The following UPP1 variants were observed in gnomAD, a reference collection of about 807,000 sequenced individuals.
UPP1 encodes the protein uridine phosphorylase 1, also known as UPase 1.
A neutral mutation model predicts 29.6 loss-of-function variants in UPP1; 25 were observed. The ratio of observed to expected loss-of-function variants is 0.85; its 90% CI spans 0.62 to 1.18. The LOEUF (loss-of-function observed/expected upper bound fraction) is 1.18, where lower values mean the gene tolerates loss of function less well. Ranked by LOEUF, UPP1 falls within the 50% of genes most tolerant of loss-of-function variation. UPP1 has a pLI of 0.00. For missense variants in UPP1, 368 were observed against 410.4 expected, an observed-to-expected ratio of 0.90 and a Z score of 0.89; for synonymous variants, 165 against 159.8, an observed-to-expected ratio of 1.03 and a Z score of -0.25.
rs768684208 is a variant in UPP1, at chr7:48,103,336, G to GA, written c.362dup (p.Leu122AlafsTer47). On this transcript the variant is annotated frameshift_variant, in exon 6 of 9. Transcript: ENST00000395564. LOFTEE classifies it high-confidence loss of function. Reference sequence around the variant, plus strand: ...TCCTTCTATCTCAATCATGTTGCATGAGCTCATAAAGCTGCTGTACTATGC... The same window carrying GA: ...TCCTTCTATCTCAATCATGTTGCATGAAGCTCATAAAGCTGCTGTACTATGC... 5 of 1,613,998 alleles carry GA rather than the reference G, an allele frequency of 3.1e-6. No homozygotes were observed. The South Asian group carries it at 5.5e-5, about 18-fold the overall frequency.
rs1792895345 is a variant in UPP1 at position 48,108,461 on chromosome 7, C to G, written c.*104C>G. The G allele has an allele frequency of 1.5e-6, 2 of 1,350,990 alleles. No homozygotes were observed. The highest frequency in any genetic ancestry group is 1.6e-5 in the South Asian group (1 of 60,696). 83.7% of individuals were successfully genotyped at this position (1,350,990 alleles called of 1,614,324 possible). A position where few individuals can be genotyped will look rare whatever the true frequency, so the allele number is the denominator to read the frequency against. On this transcript the variant is annotated 3_prime_UTR_variant, in exon 9 of 9. Coordinates refer to ENST00000395564, the MANE Select transcript of UPP1 (RefSeq NM_003364.4). ...CTTTGAGCACACTTTACACAAGAAT[C>G]TAGAAAATCAGATCGCGATTAAGAG...
At chr7:48,102,055 C>G (rs895688391) in intron 5 of UPP1, 73 bp downstream of exon 5, 75 of 1,516,576 alleles carry the variant, frequency 4.9e-5, no homozygotes, top group Non-Finnish European at 2.1e-5. Context: ...TCTGCACACA[C>G]AGACAGCTGG....
chr7:48,093,771 G>A (rs1267247296), intron 2 of UPP1, among the ~76,000 whole-genome samples: 3 of 152,102 alleles, frequency 2.0e-5, no homozygotes, highest in Non-Finnish European at 4.4e-5. Flanking sequence ...CTCCTATGGT[G>A]GTCCCCTGTC....
Position 48,108,248 on chromosome 7 carries a change from G to T in UPP1, c.824G>T (p.Arg275Leu), listed in dbSNP as rs773220996. 1 of 1,613,726 alleles carries T rather than the reference G, an allele frequency of 6.2e-7. No individual in the cohort carries two copies. Among genetic ancestry groups the T allele is most frequent in the African/African-American group, 1.3e-5 (1 of 75,020 alleles). The change falls in exon 9 of 9, where the codon CGC becomes CTC. Residue 275 changes from arginine (R) to leucine (L), a missense_variant. Physicochemically the swap from Arg to Leu is moderately radical, Grantham distance 102 (BLOSUM62 -2). Transcript: ENST00000395564. ...GTGGTGTGTGTCACCCTCCTGAACC[G>T]CCTGGAAGGGGACCAGATCAGCAGC... Reference protein sequence around the residue: ...AAVVCVTLLNRLEGDQISSPR... With the variant: ...AAVVCVTLLNLLEGDQISSPR...
chr7:48,096,533 C>T (rs1418873436), intron 3 of UPP1, among the ~76,000 whole-genome samples: 2 of 152,242 alleles, frequency 1.3e-5, no homozygotes, highest in East Asian at 3.9e-4. Flanking sequence ...CTTCCCCTTC[C>T]CCAGTACCTC....
At chr7:48,107,146 G>C in intron 7 of UPP1, 64 bp downstream of exon 7, 1 of 1,575,228 alleles carries the variant, frequency 6.3e-7, no homozygotes, top group Non-Finnish European at 8.7e-7. Context: ...CCCTGAGCCT[G>C]CCTTCTCGCT....
intron 4 of UPP1, among the ~76,000 whole-genome samples, chr7:48,101,546 C>T (rs1199281884): frequency 6.6e-6 from 1 of 152,088 alleles, no homozygotes; most frequent in Non-Finnish European, 1.5e-5. Flanking sequence ...GTGCACAGGA[C>T]CTGGAATTAC....
chr7:48,102,000 C>A lies in UPP1; in HGVS notation c.321+18C>A. On this transcript the variant is annotated intron_variant, in intron 5 of 8. Coordinates refer to ENST00000395564, the MANE Select transcript of UPP1 (RefSeq NM_003364.4). ...CTGTCAGTGTGAGTACCTGCCTTCCCTTGTGCTCAGTCTCTAGGCTCTGCA... is the reference window on the plus strand; with the variant it reads ...CTGTCAGTGTGAGTACCTGCCTTCCATTGTGCTCAGTCTCTAGGCTCTGCA... 6.2e-7 allele frequency: 1 copy of A among 1,610,136 alleles called. No individual in the cohort carries two copies. Among genetic ancestry groups the A allele is most frequent in the Middle Eastern group, 1.7e-4 (1 of 6,040 alleles).
chr7:48,098,785 C>T (rs1464132255), intron 3 of UPP1, among the ~76,000 whole-genome samples: 4 of 152,192 alleles, frequency 2.6e-5, no homozygotes, highest in Non-Finnish European at 5.9e-5. Context: ...CCTCTGTTTC[C>T]TGTAAGGGAG....
chr7:48,094,627 C>A, intron 2 of UPP1, 136 bp from the exon 3 acceptor site: 1 of 701,090 alleles, frequency 1.4e-6, no homozygotes, highest in Non-Finnish European at 2.5e-6. Context: ...CTATTTCTCA[C>A]ACAATTCACA....
Position 48,099,265 on chromosome 7 carries a change from A to G in UPP1, c.45-405A>G, listed in dbSNP as rs112384092. Reference sequence around the variant, plus strand: ...AGGATTAGAGGTTGTTTTTCCTTCTATTTCTGTTCATATTTCCTATGGTAA... The same window carrying G: ...AGGATTAGAGGTTGTTTTTCCTTCTGTTTCTGTTCATATTTCCTATGGTAA... On this transcript the variant is annotated intron_variant, in intron 3 of 8. Coordinates refer to ENST00000395564, the MANE Select transcript of UPP1 (RefSeq NM_003364.4). Among the ~76,000 whole-genome samples, 7 of 152,266 alleles carry G rather than the reference A, an allele frequency of 4.6e-5. 1 individual carries two copies. The highest frequency in any genetic ancestry group is 1.4e-4 in the African/African-American group (6 of 41,558).
At chr7:48,105,760 T>C (rs1259884647) in intron 6 of UPP1, 7 of 152,182 alleles carry the variant, frequency 4.6e-5, no homozygotes, top group Admixed American at 4.6e-4. Context: ...GGGTCCCTCT[T>C]ATAAGGGCAC....
In UPP1 at chr7:48,094,846, C is replaced by T; in HGVS notation, c.44+19C>T. ...GTCACAAGTAAGGCTCCATTTCATT[C>T]CAGGTTGGGTTGGGTGGGGTTGGGT... On this transcript the variant is annotated intron_variant, in intron 3 of 8. Transcript: ENST00000395564. The T allele has an allele frequency of 6.2e-7, 1 of 1,613,896 alleles. No individual in the cohort carries two copies. Among genetic ancestry groups the T allele is most frequent in the Non-Finnish European group, 8.5e-7 (1 of 1,179,884 alleles).
At chr7:48,095,434 C>T (rs1792077149) in intron 3 of UPP1, among the ~76,000 whole-genome samples, 1 of 152,138 alleles carries the variant, frequency 6.6e-6, no homozygotes, top group Non-Finnish European at 1.5e-5. Flanking sequence ...CTTGGCACCA[C>T]CCAGGGTTGT....
intron 3 of UPP1, among the ~76,000 whole-genome samples, chr7:48,095,219 A>G (rs930152037): frequency 2.6e-5 from 4 of 152,224 alleles, no homozygotes; most frequent in Admixed American, 6.5e-5. Context: ...TACTTCTGGT[A>G]TGCTTGGCAT....
chr7:48,097,136 G>T (rs1469520163), intron 3 of UPP1, among the ~76,000 whole-genome samples: 1 of 152,140 alleles, frequency 6.6e-6, no homozygotes. Flanking sequence ...TTTTTTTCCA[G>T]GTAGTATGTC....
At chr7:48,098,619 C>G (rs1334485637) in intron 3 of UPP1, among the ~76,000 whole-genome samples, 1 of 152,168 alleles carries the variant, frequency 6.6e-6, no homozygotes, top group African/African-American at 2.4e-5. Context: ...ATTTCCAAAT[C>G]CGTGGCAGCT....
rs150104813 is a variant in UPP1 at position 48,098,746 on chromosome 7, A to G, written c.45-924A>G. On this transcript the variant is annotated intron_variant, in intron 3 of 8. Coordinates refer to ENST00000395564, the MANE Select transcript of UPP1 (RefSeq NM_003364.4). ...CAGAAGGAAGAAAAAGAAGTCCCCA[A>G]TTGCTCTGACATCAGCATCCCATGT... Among the ~76,000 whole-genome samples the G allele has an allele frequency of 9.8e-3, 1,496 of 152,302 alleles. 19 individuals carry two copies. Among genetic ancestry groups the G allele is most frequent in the African/African-American group, 0.034 (1,403 of 41,548 alleles).
At chr7:48,102,417 G>T (rs1393675792) in intron 5 of UPP1, among the ~76,000 whole-genome samples, 1 of 152,190 alleles carries the variant, frequency 6.6e-6, no homozygotes, top group Non-Finnish European at 1.5e-5. Flanking sequence ...GAAATCTCCA[G>T]ATTCTACCAT....
Sources: allele counts gnomAD v4.1 joint callset (sites outside exome capture counted in the v4.1 genomes callset), GRCh38; gene constraint gnomAD v4.1.1; transcripts MANE v1.5; gene names NCBI Gene and HGNC (gene_info 2026-07-23, HGNC 2026-07-21).